The following SOS1 variants were observed in gnomAD, a reference collection of about 807,000 sequenced individuals.
The protein encoded by SOS1 is SOS Ras/Rac guanine nucleotide exchange factor 1, also known as son of sevenless homolog 1.
Under a neutral mutation model 157.6 loss-of-function variants are expected in SOS1, and 25 were observed. The ratio of observed to expected loss-of-function variants is 0.16; its 90% CI spans 0.12 to 0.22. The LOEUF (loss-of-function observed/expected upper bound fraction) is 0.22. SOS1 is among the 10% of genes least tolerant of loss of function. The pLI is 1.00. For synonymous variants in SOS1, 528 were observed against 534.0 expected (o/e 0.99, Z 0.16); for missense variants, 1,237 against 1,599.1 (o/e 0.77, Z 3.86).
At chr2:39,034,697 T>C in intron 8 of SOS1, 1 of 385,562 alleles carries the variant, frequency 2.6e-6, no homozygotes, top group South Asian at 2.0e-5. Context: ...CAGAAATTTA[T>C]TGTTTCTAAA....
Position 39,012,248 on chromosome 2 carries a change from A to G in SOS1, c.2268T>C (p.Ser756=). 1.9e-6 allele frequency: 3 copies of G among 1,613,432 alleles called. No homozygotes were observed. Among genetic ancestry groups the G allele is most frequent in the Non-Finnish European group, 2.5e-6 (3 of 1,179,524 alleles). The part of the protein sequence containing the change: ...NGPGHNITFQ[S]SPPTVEWHIS... ...TATGCCACTCAACTGTGGGAGGTGA[A>G]CTCTGAAATGTAATATTATGACCTG... is the stretch of plus-strand genomic sequence containing the variant. The change falls in exon 14 of 23, where the codon AGT becomes AGC. Residue 756 remains serine (S), a synonymous_variant. Coordinates refer to ENST00000402219, the MANE Select transcript of SOS1 (RefSeq NM_005633.4).
intron 17 of SOS1, among the ~76,000 whole-genome samples, chr2:39,003,929 A>G (rs956207233): frequency 6.6e-5 from 10 of 152,290 alleles, no homozygotes; most frequent in East Asian, 3.9e-4. Flanking sequence ...CAATATCTCT[A>G]TCCTCTACCC....
chr2:39,070,830 G>T (rs574881253), intron 1 of SOS1, among the ~76,000 whole-genome samples: 2 of 152,194 alleles, frequency 1.3e-5, no homozygotes, highest in East Asian at 3.9e-4. Context: ...AGTTAAAAGG[G>T]ACTTTAGAAG....
chr2:39,007,534 A>G (rs1000820774), intron 15 of SOS1: 1 of 226,654 alleles, frequency 4.4e-6, no homozygotes, highest in African/African-American at 2.3e-5. Flanking sequence ...ATTCTAGTAG[A>G]ATTCAAGAAT....
At chr2:39,069,548 T>C (rs896093223) in intron 1 of SOS1, among the ~76,000 whole-genome samples, 16 of 152,044 alleles carry the variant, frequency 1.1e-4, no homozygotes, top group African/African-American at 3.1e-4. Flanking sequence ...ACAAAACTTA[T>C]TCATTTTTTA....
chr2:39,012,438 C>T (rs1669498658), intron 13 of SOS1, 90 bp from the exon 14 acceptor site: 1 of 474,034 alleles, frequency 2.1e-6, no homozygotes, highest in South Asian at 5.7e-5. Flanking sequence ...ACGGATGACA[C>T]CTGAATGTAT....
At chr2:39,066,468 G>A (rs142906998) in intron 2 of SOS1, among the ~76,000 whole-genome samples, 2 of 152,186 alleles carry the variant, frequency 1.3e-5, no homozygotes, top group Admixed American at 1.3e-4. Context: ...TTCTACAATT[G>A]GTACTTCAAA....
chr2:39,027,194 T>C (rs1234519629), intron 8 of SOS1, among the ~76,000 whole-genome samples: 1 of 152,208 alleles, frequency 6.6e-6, no homozygotes, highest in African/African-American at 2.4e-5. Context: ...TATATAATTC[T>C]CATACACATA....
At chr2:38,999,991 C>CA (rs1243180719) in intron 17 of SOS1, among the ~76,000 whole-genome samples, 1 of 152,034 alleles carries the variant, frequency 6.6e-6, no homozygotes, top group Non-Finnish European at 1.5e-5. Context: ...TAACAATAGT[C>CA]CTGGTGAGAT....
In SOS1 at chr2:39,063,444, T is replaced by A. The variant is rs147216344; in HGVS notation, c.213+4184A>T. ...TCTTCAGGCAGCAGCCTGCAACCAA[T>A]CCCCCATGGAAACTGAAGCACGACT... is the stretch of plus-strand genomic sequence containing the variant. On this transcript the variant is annotated intron_variant, in intron 2 of 22. Transcript: ENST00000402219. 3.8e-3 allele frequency among the ~76,000 whole-genome samples: 577 copies of A among 152,272 alleles called. 1 individual carries two copies. Among genetic ancestry groups the A allele is most frequent in the Middle Eastern group, 0.017 (5 of 294 alleles).
chr2:39,023,634 A>G, intron 9 of SOS1: 1 of 244,920 alleles, frequency 4.1e-6, no homozygotes. Flanking sequence ...TATAATCAGG[A>G]AAGTGGAAGC....
upstream of SOS1, among the ~76,000 whole-genome samples, chr2:39,124,720 T>C (rs755825766): frequency 3.2e-4 from 48 of 152,256 alleles, no homozygotes; most frequent in Non-Finnish European, 6.5e-4. Context: ...GTCCTTAACC[T>C]GGTATCCATG....
At chr2:38,987,675 C>T in intron 21 of SOS1, 84 bp from the exon 22 acceptor site, 1 of 754,486 alleles carries the variant, frequency 1.3e-6, no homozygotes, top group Non-Finnish European at 2.3e-6. Flanking sequence ...CTGGAAATTG[C>T]TTATAATTAA....
intron 1 of SOS1, among the ~76,000 whole-genome samples, chr2:39,113,198 T>C (rs1043796903): frequency 2.6e-5 from 4 of 152,106 alleles, no homozygotes; most frequent in African/African-American, 9.7e-5. Flanking sequence ...TTTTATTCAT[T>C]AATGTATTTA....
At chr2:39,104,950 G>C (rs1055840033) in intron 1 of SOS1, among the ~76,000 whole-genome samples, 1 of 152,196 alleles carries the variant, frequency 6.6e-6, no homozygotes, top group African/African-American at 2.4e-5. Context: ...CATTGTGAAT[G>C]TAATTAATGG....
In SOS1 at chr2:38,985,424, T is replaced by TTG. The variant is rs144104838; in HGVS notation, c.*399_*400insCA. 144,407 of 178,654 alleles carry TTG rather than the reference T, an allele frequency of 0.81. 61,484 individuals are homozygous for TTG. Among genetic ancestry groups the TTG allele is most frequent in the Non-Finnish European group, 0.92 (76,460 of 82,756 alleles). The allele number at this position is 178,654 out of a possible 1,614,324, so 11.1% of individuals were successfully genotyped here. On this transcript the variant is annotated 3_prime_UTR_variant, in exon 23 of 23. Transcript: ENST00000402219. Reference sequence around the variant, plus strand: ...AAGATATTAAGATCCCTGTTTAAGTTTTTTTTTTTAAAAGTGCATAATTTG... The same window carrying TTG: ...AAGATATTAAGATCCCTGTTTAAGTTTGTTTTTTTTTAAAAGTGCATAATTTG...
chr2:39,026,488 A>G (rs1669969224), intron 8 of SOS1, among the ~76,000 whole-genome samples: 1 of 152,324 alleles, frequency 6.6e-6, no homozygotes, highest in African/African-American at 2.4e-5. Context: ...AATATCTTTT[A>G]TTCATAATAT....
intron 22 of SOS1, among the ~76,000 whole-genome samples, chr2:38,986,584 G>A (rs1668567197): frequency 6.6e-6 from 1 of 151,856 alleles, no homozygotes; most frequent in Non-Finnish European, 1.5e-5. Flanking sequence ...CCCGACCTCA[G>A]CATCCCAAGC....
intron 17 of SOS1, among the ~76,000 whole-genome samples, chr2:39,004,856 T>C (rs1227690555): frequency 2.0e-5 from 3 of 151,526 alleles, no homozygotes; most frequent in African/African-American, 4.9e-5. Context: ...GTTGTAATAA[T>C]AGAAATGAAA....
Sources: allele counts gnomAD v4.1 joint callset (sites outside exome capture counted in the v4.1 genomes callset), GRCh38; gene constraint gnomAD v4.1.1; transcripts MANE v1.5; gene names NCBI Gene and HGNC (gene_info 2026-07-23, HGNC 2026-07-21).